The following DPH6 variants were observed in gnomAD, a reference collection of about 807,000 sequenced individuals.
DPH6 encodes diphthine--ammonia ligase.
Under a neutral mutation model 38.2 loss-of-function variants are expected in DPH6, and 33 were observed. The observed-to-expected ratio is 0.86, with a 90% CI of 0.65 to 1.15. The LOEUF (loss-of-function observed/expected upper bound fraction) is 1.15, where lower values mean the gene tolerates loss of function less well. Among genes scored for constraint, DPH6 ranks in the 50% most tolerant of loss-of-function variants. The pLI is 0.00. For synonymous variants in DPH6, 108 were observed against 103.0 expected (o/e 1.05, Z -0.30); for missense variants, 325 against 320.0 (o/e 1.02, Z -0.12).
At chr15:35,497,908 TTGA>T (rs1416345549) in intron 3 of DPH6, among the ~76,000 whole-genome samples, 6 of 152,174 alleles carry the variant, frequency 3.9e-5, no homozygotes, top group South Asian at 2.1e-4. Context: ...AATACATGAA[TTGA>T]TGATAACAAA....
chr15:35,222,132 A>C, intron 3 of DPH6, among the ~76,000 whole-genome samples: 1 of 152,128 alleles, frequency 6.6e-6, no homozygotes, highest in Non-Finnish European at 1.5e-5. Flanking sequence ...CACTTACATA[A>C]TCTCTAAGAA....
chr15:35,180,392 A>AACACACAC, the DPH6 span, among the ~76,000 whole-genome samples: 3 of 140,496 alleles, frequency 2.1e-5, no homozygotes, highest in African/African-American at 5.4e-5. Flanking sequence ...TTGGTTTTAA[A>AACACACAC]ACACACACAC....
At chr15:35,155,892 C>T in the DPH6 span, among the ~76,000 whole-genome samples, 1 of 152,208 alleles carries the variant, frequency 6.6e-6, no homozygotes. Context: ...ATTTTCTAGG[C>T]ATAGTTTGAA....
intron 3 of DPH6, among the ~76,000 whole-genome samples, chr15:35,263,979 C>T (rs937012061): frequency 8.5e-5 from 13 of 152,078 alleles, no homozygotes; most frequent in African/African-American, 2.9e-4. Flanking sequence ...TCACAAAGTG[C>T]TAGGATTACA....
intron 3 of DPH6, among the ~76,000 whole-genome samples, chr15:35,460,989 CAG>C (rs35872473): frequency 0.093 from 13,958 of 150,572 alleles, 750 homozygotes; most frequent in Non-Finnish European, 0.13. Flanking sequence ...AGAATTTATT[CAG>C]AAAGAGCCAA....
At chr15:35,187,287 C>T in the DPH6 span, among the ~76,000 whole-genome samples, 1 of 152,180 alleles carries the variant, frequency 6.6e-6, no homozygotes, top group Non-Finnish European at 1.5e-5. Flanking sequence ...GGAACTGATA[C>T]ATAAACCTAG....
intron 3 of DPH6, among the ~76,000 whole-genome samples, chr15:35,279,066 A>T (rs199999522): frequency 0.041 from 3,938 of 96,396 alleles, 50 homozygotes; most frequent in Middle Eastern, 0.057. Context: ...AAAAAAAAAA[A>T]AAATATATAT....
At chr15:35,302,567 G>A (rs910514219) in intron 3 of DPH6, among the ~76,000 whole-genome samples, 2 of 152,244 alleles carry the variant, frequency 1.3e-5, no homozygotes, top group Non-Finnish European at 2.9e-5. Context: ...GATAAAAGCA[G>A]CATTTTAATA....
chr15:35,231,032 T>A (rs2051513839), intron 3 of DPH6, among the ~76,000 whole-genome samples: 1 of 152,186 alleles, frequency 6.6e-6, no homozygotes, highest in Non-Finnish European at 1.5e-5. Context: ...GTAGGTCACA[T>A]GTCCCCTCCA....
chr15:35,303,072 T>C (rs2052064973), intron 3 of DPH6, among the ~76,000 whole-genome samples: 2 of 152,126 alleles, frequency 1.3e-5, no homozygotes, highest in African/African-American at 4.8e-5. Flanking sequence ...TTCCTTCTCT[T>C]ACACAGGTGA....
chr15:35,478,226 A>C (rs966179590), intron 3 of DPH6, among the ~76,000 whole-genome samples: 2 of 151,948 alleles, frequency 1.3e-5, no homozygotes, highest in Non-Finnish European at 2.9e-5. Context: ...TAAGCCTATA[A>C]CTAAATACAA....
the DPH6 span, among the ~76,000 whole-genome samples, chr15:35,178,557 G>C: frequency 6.6e-6 from 1 of 152,274 alleles, no homozygotes; most frequent in East Asian, 1.9e-4. Flanking sequence ...GGAATTATGG[G>C]AGCAACAATT....
chr15:35,252,682 G>C (rs1460962721), intron 3 of DPH6, among the ~76,000 whole-genome samples: 1 of 152,178 alleles, frequency 6.6e-6, no homozygotes, highest in East Asian at 1.9e-4. Flanking sequence ...TAGGTCATAA[G>C]GTCTATGGTC....
At chr15:35,184,147 T>C in the DPH6 span, among the ~76,000 whole-genome samples, 6 of 152,258 alleles carry the variant, frequency 3.9e-5, no homozygotes, top group Non-Finnish European at 7.3e-5. Context: ...TATCTGCTTA[T>C]TCTTAAAACT....
rs77615149 is a variant in DPH6 at position 35,511,485 on chromosome 15, A to C, written c.312+26789T>G. Among the ~76,000 whole-genome samples the C allele has an allele frequency of 4.1e-4, 62 of 152,268 alleles. No individual in the cohort carries two copies. In the East Asian group the frequency reaches 0.011, roughly 26 times the overall value. ...TAGAATGCGAATGAGAGGAAAAAGA[A>C]TAGGGGGAGAATGGAACCATGAAAC... On this transcript the variant is annotated intron_variant, in intron 3 of 8. Transcript: ENST00000256538.
At chr15:35,446,464 C>T (rs551604596) in intron 5 of DPH6, among the ~76,000 whole-genome samples, 14 of 151,814 alleles carry the variant, frequency 9.2e-5, no homozygotes, top group African/African-American at 1.9e-4. Flanking sequence ...CTGATTCAAG[C>T]GATCTTGGGC....
chr15:35,255,366 G>A (rs2051700754), intron 3 of DPH6, among the ~76,000 whole-genome samples: 1 of 152,146 alleles, frequency 6.6e-6, no homozygotes, highest in Non-Finnish European at 1.5e-5. Flanking sequence ...AGAATCAATA[G>A]AGTAAAAGAG....
downstream of DPH6, among the ~76,000 whole-genome samples, chr15:35,327,372 G>A (rs886601693): frequency 3.3e-5 from 4 of 121,648 alleles, no homozygotes; most frequent in Non-Finnish European, 4.9e-5. Context: ...GGAGTCTCAT[G>A]TCTCATTCTG....
At chr15:35,292,835 A>T (rs1474820403) in intron 3 of DPH6, among the ~76,000 whole-genome samples, 1 of 152,148 alleles carries the variant, frequency 6.6e-6, no homozygotes, top group East Asian at 1.9e-4. Flanking sequence ...CCTTTGCCTG[A>T]AAATCTGGCA....
Sources: gnomAD v4.1 joint callset for allele counts (sites outside exome capture counted in the v4.1 genomes callset) on GRCh38, gnomAD v4.1.1 for gene constraint, MANE v1.5 for transcripts, NCBI Gene and HGNC (gene_info 2026-07-23, HGNC 2026-07-21) for gene names.